Variants in TUSC3 observed in about 807,000 individuals in gnomAD.
The protein encoded by TUSC3 is dolichyl-diphosphooligosaccharide--protein glycosyltransferase subunit TUSC3.
TUSC3 carries 45 observed loss-of-function variants against 44.8 expected under a neutral mutation model. The observed-to-expected ratio is 1.00, with a 90% CI of 0.79 to 1.29. The LOEUF (loss-of-function observed/expected upper bound fraction) is 1.29, where lower values mean the gene tolerates loss of function less well. TUSC3 is among the 50% of genes most tolerant of loss of function. The pLI, the probability that TUSC3 is intolerant of heterozygous loss-of-function variation, is 0.00. For synonymous variants in TUSC3, 212 were observed against 152.9 expected, an observed-to-expected ratio of 1.39 and a Z score of -2.85; for missense variants, 519 against 437.9, an observed-to-expected ratio of 1.19 and a Z score of -1.65.
chr8:15,456,263 C>T (rs1405729616), intron 1 of TUSC3, among the ~76,000 whole-genome samples: 1 of 152,154 alleles, frequency 6.6e-6, no homozygotes, highest in Non-Finnish European at 1.5e-5. Flanking sequence ...TTCTTTACTG[C>T]AATGCTGTGG....
At chr8:15,679,279 C>A (rs1205516557) in intron 6 of TUSC3, among the ~76,000 whole-genome samples, 1 of 151,318 alleles carries the variant, frequency 6.6e-6, no homozygotes, top group Admixed American at 6.6e-5. Context: ...TTTTTTTTGA[C>A]TTTTCTGTAA....
the TUSC3 span, among the ~76,000 whole-genome samples, chr8:15,843,600 A>AG: frequency 0.096 from 13,220 of 138,344 alleles, 786 homozygotes; most frequent in Middle Eastern, 0.2. Flanking sequence ...GTACATATAT[A>AG]TATATATATA....
intron 7 of TUSC3, among the ~76,000 whole-genome samples, chr8:15,731,328 T>TA (rs1161405381): frequency 6.6e-6 from 1 of 152,128 alleles, no homozygotes; most frequent in Non-Finnish European, 1.5e-5. Flanking sequence ...TAGAATGAAA[T>TA]AAAATTAGTT....
At chr8:15,575,262 T>G (rs1166586485) in intron 1 of TUSC3, among the ~76,000 whole-genome samples, 1 of 152,172 alleles carries the variant, frequency 6.6e-6, no homozygotes, top group Admixed American at 6.5e-5. Flanking sequence ...TTAAAAGGAC[T>G]AAGACTGCTT....
intron 2 of TUSC3, among the ~76,000 whole-genome samples, chr8:15,530,698 A>G (rs1801438538): frequency 6.6e-6 from 1 of 152,248 alleles, no homozygotes; most frequent in Non-Finnish European, 1.5e-5. Context: ...ACATATTTTC[A>G]ATGTAATAGT....
chr8:15,743,455 T>C, intron 7 of TUSC3, 83 bp from the exon 8 acceptor site: 1 of 1,368,726 alleles, frequency 7.3e-7, no homozygotes, highest in South Asian at 1.2e-5. Context: ...GTTTAACCAT[T>C]CTGGAACATT....
chr8:15,831,967 G>C, the TUSC3 span, among the ~76,000 whole-genome samples: 3 of 152,112 alleles, frequency 2.0e-5, no homozygotes, highest in African/African-American at 7.2e-5. Context: ...CTTCAAAGAA[G>C]ATTATGCCCA....
chr8:15,777,768 T>C, the TUSC3 span, among the ~76,000 whole-genome samples: 1 of 152,152 alleles, frequency 6.6e-6, no homozygotes, highest in Non-Finnish European at 1.5e-5. Context: ...TCCTGAATTA[T>C]CTCCTTTACA....
At chr8:15,748,839 A>ATCTTTTGAATTCTACAAAATT (rs1811538705) in intron 9 of TUSC3, 33 of 428,144 alleles carry the variant, frequency 7.7e-5, no homozygotes, top group South Asian at 5.1e-4. Context: ...ACTTTGTATT[A>ATCTTTTGAATTCTACAAAATT]TCTTTTGAAT....
chr8:15,706,850 A>T (rs1809638208), intron 6 of TUSC3, among the ~76,000 whole-genome samples: 1 of 151,942 alleles, frequency 6.6e-6, no homozygotes, highest in African/African-American at 2.4e-5. Context: ...TATCAACTTT[A>T]TTCTTTTACT....
At chr8:15,758,510 A>G (rs1812029554) in intron 10 of TUSC3, among the ~76,000 whole-genome samples, 1 of 152,016 alleles carries the variant, frequency 6.6e-6, no homozygotes, top group African/African-American at 2.4e-5. Flanking sequence ...ACCAGAGAAC[A>G]CAGGGTCTAG....
chr8:15,720,427 A>G (rs947458374), intron 6 of TUSC3, among the ~76,000 whole-genome samples: 2 of 152,092 alleles, frequency 1.3e-5, no homozygotes, highest in Non-Finnish European at 2.9e-5. Flanking sequence ...AAGGCCTGCA[A>G]AGCAAAGCCA....
intron 2 of TUSC3, among the ~76,000 whole-genome samples, chr8:15,627,701 C>T (rs1292772413): frequency 6.6e-6 from 1 of 152,240 alleles, no homozygotes; most frequent in Non-Finnish European, 1.5e-5. Flanking sequence ...AAGCTGCTTG[C>T]AGTCCACCTG....
the TUSC3 span, among the ~76,000 whole-genome samples, chr8:15,839,172 T>A: frequency 6.6e-6 from 1 of 152,158 alleles, no homozygotes; most frequent in African/African-American, 2.4e-5. Flanking sequence ...CTGTTATTGG[T>A]GTATAGGAAT....
intron 5 of TUSC3, among the ~76,000 whole-genome samples, chr8:15,668,678 TC>T (rs1466271006): frequency 6.6e-6 from 1 of 151,750 alleles, no homozygotes; most frequent in East Asian, 1.9e-4. Flanking sequence ...ACAAAATACT[TC>T]CAAAAGGACT....
At chr8:15,525,067 G>A (rs1024703979) in intron 2 of TUSC3, among the ~76,000 whole-genome samples, 2 of 152,178 alleles carry the variant, frequency 1.3e-5, no homozygotes, top group East Asian at 1.9e-4. Context: ...AAAAGGGAAA[G>A]TATGTATACT....
the TUSC3 span, among the ~76,000 whole-genome samples, chr8:15,830,440 C>T: frequency 6.6e-6 from 1 of 152,054 alleles, no homozygotes; most frequent in Non-Finnish European, 1.5e-5. Flanking sequence ...TGTCTTTAAT[C>T]CAAAAAGACA....
In TUSC3 at chr8:15,540,276, G is replaced by A; in HGVS notation, c.-155G>A. Reference sequence around the variant, plus strand: ...GGATGCTCTGTCAGTCTCCTCCTCTGCGTCCTCGGCCGCGGCCCGGGTCCC... The same window carrying A: ...GGATGCTCTGTCAGTCTCCTCCTCTACGTCCTCGGCCGCGGCCCGGGTCCC... On this transcript the variant is annotated 5_prime_UTR_variant, in exon 1 of 11. Transcript: ENST00000503731. 1 of 1,083,516 alleles carries A rather than the reference G, an allele frequency of 9.2e-7. No individual in the cohort carries two copies. 67.1% of individuals were successfully genotyped at this position (1,083,516 alleles called of 1,614,324 possible).
chr8:15,758,280 G>A (rs1392307231), intron 10 of TUSC3: 1 of 977,906 alleles, frequency 1.0e-6, no homozygotes, highest in African/African-American at 1.8e-5. Flanking sequence ...CTTCCAAACA[G>A]TTAACTTACT....
Sources: allele counts gnomAD v4.1 joint callset (sites outside exome capture counted in the v4.1 genomes callset), GRCh38; gene constraint gnomAD v4.1.1; transcripts MANE v1.5; gene names NCBI Gene and HGNC (gene_info 2026-07-23, HGNC 2026-07-21).